Variants in COL4A6 observed in about 807,000 individuals in gnomAD.
COL4A6 encodes the protein collagen alpha-6(IV) chain.
Under a neutral mutation model 126.7 loss-of-function variants are expected in COL4A6, and 59 were observed. The observed-to-expected ratio is 0.47, with a 90% confidence interval of 0.38 to 0.58. The LOEUF (loss-of-function observed/expected upper bound fraction) is 0.58. COL4A6 is among the 20% of genes least tolerant of loss of function. COL4A6 has a pLI of 0.00. For synonymous variants in COL4A6, 547 were observed against 496.6 expected, an observed-to-expected ratio of 1.10 and a Z score of -1.35; for missense variants, 1,285 against 1,337.3, an observed-to-expected ratio of 0.96 and a Z score of 0.61.
chrX:108,277,021 C>T (rs769728204), intron 3 of COL4A6, among the ~76,000 whole-genome samples: 3 of 111,994 alleles, frequency 2.7e-5, no homozygotes, highest in Admixed American at 9.4e-5. Context: ...GGTATAGAGG[C>T]GAAGATGGCC....
chrX:108,390,643 A>G (rs1240513170), intron 2 of COL4A6, among the ~76,000 whole-genome samples: 3 of 109,587 alleles, frequency 2.7e-5, no homozygotes, highest in Non-Finnish European at 5.7e-5. Context: ...CCTTTTTTCA[A>G]GGTTCTTAGC....
rs376621155 is a variant in COL4A6 at position 108,280,537 on chromosome X, A to G, written c.144+30211T>C. 6.3e-5 allele frequency among the ~76,000 whole-genome samples: 7 copies of G among 111,887 alleles called. No individual in the cohort carries two copies. In the East Asian group the frequency reaches 1.1e-3, roughly 18 times the overall value. On this transcript the variant is annotated intron_variant, in intron 3 of 44. Transcript: ENST00000334504. Reference sequence around the variant, plus strand: ...GACCAAAAAGAGTCCAGGACCAGATAGATTCACAGCCGAATTCTACCAGAG... The same window carrying G: ...GACCAAAAAGAGTCCAGGACCAGATGGATTCACAGCCGAATTCTACCAGAG...
chrX:108,303,333 A>C (rs1442298987), intron 3 of COL4A6, among the ~76,000 whole-genome samples: 1 of 110,844 alleles, frequency 9.0e-6, no homozygotes, highest in Non-Finnish European at 1.9e-5. Flanking sequence ...CTAGGGAGGA[A>C]AGGAAGAACA....
chrX:108,341,813 G>A (rs984041493), intron 2 of COL4A6, among the ~76,000 whole-genome samples: 6 of 111,619 alleles, frequency 5.4e-5, no homozygotes, highest in African/African-American at 1.9e-4. Context: ...AAGATTCCCA[G>A]AGGACCGATA....
intron 2 of COL4A6, among the ~76,000 whole-genome samples, chrX:108,407,839 T>A (rs1458077711): frequency 8.9e-6 from 1 of 112,610 alleles, no homozygotes; most frequent in African/African-American, 3.2e-5. Flanking sequence ...CTGCTGATGG[T>A]GGTGGTGATC....
Position 108,340,128 on chromosome X carries a change from T to C in COL4A6, c.64-29300A>G, listed in dbSNP as rs781142654. ...TTTAGTGCTTTTTATGTTCATAGTG[T>C]ACTGGGAAAATACAAATAAAATTAT... On this transcript the variant is annotated intron_variant, in intron 2 of 44. Transcript: ENST00000334504. Among the ~76,000 whole-genome samples the C allele has an allele frequency of 2.7e-5, 3 of 111,192 alleles. No individual in the cohort carries two copies. The East Asian group carries it at 8.5e-4, about 32-fold the overall frequency.
intron 2 of COL4A6, among the ~76,000 whole-genome samples, chrX:108,428,328 T>C (rs997061447): frequency 3.6e-5 from 4 of 112,340 alleles, no homozygotes; most frequent in Non-Finnish European, 7.5e-5. Flanking sequence ...GAGCCTTCTC[T>C]GATATCTCCC....
intron 2 of COL4A6, among the ~76,000 whole-genome samples, chrX:108,369,879 T>C (rs1162967054): frequency 8.9e-6 from 1 of 112,489 alleles, no homozygotes; most frequent in Non-Finnish European, 1.9e-5. Flanking sequence ...AGATATTAGT[T>C]AAATGAATAG....
chrX:108,415,638 T>C (rs1346861329), intron 2 of COL4A6, among the ~76,000 whole-genome samples: 1 of 112,290 alleles, frequency 8.9e-6, no homozygotes, highest in Non-Finnish European at 1.9e-5. Flanking sequence ...AATATCCTTA[T>C]CATTCATCAT....
At position 108,187,909 on chromosome X, in the gene COL4A6, C is replaced by T. The variant is rs2034920605; in HGVS notation, c.1706G>A (p.Gly569Asp). 1 of 1,209,841 alleles carries T rather than the reference C, an allele frequency of 8.3e-7. No individual in the cohort carries two copies. Among genetic ancestry groups the T allele is most frequent in the East Asian group, 3.0e-5 (1 of 33,793 alleles). ...GTCCTTGCCTGGTTCTCCTATTACACCACGGAAGCCCTGGGAGCCAGAATC... is the reference window on the plus strand; with the variant it reads ...GTCCTTGCCTGGTTCTCCTATTACATCACGGAAGCCCTGGGAGCCAGAATC... ...RGDSGSQGFR[G>D]VIGEPGKDGV... The change falls in exon 22 of 45, where the codon GGT becomes GAT. Residue 569 changes from glycine (G) to aspartate (D), a missense_variant. Coordinates refer to ENST00000334504, the MANE Select transcript of COL4A6 (RefSeq NM_033641.4).
chrX:108,410,588 G>A (rs767284565), intron 2 of COL4A6, among the ~76,000 whole-genome samples: 71 of 111,398 alleles, frequency 6.4e-4, no homozygotes, highest in Non-Finnish European at 1.2e-3. Flanking sequence ...CTTTAAGCCT[G>A]TCTCTAGTCA....
intron 3 of COL4A6, among the ~76,000 whole-genome samples, chrX:108,285,451 C>CG (rs1471858915): frequency 8.9e-6 from 1 of 111,783 alleles, no homozygotes; most frequent in Non-Finnish European, 1.9e-5. Flanking sequence ...AAGCTTTTAT[C>CG]GGGGTAAAGT....
In COL4A6 at chrX:108,169,429, G is replaced by A. The variant is rs150586591; in HGVS notation, c.3691+66C>T. ...ACCCTGTGAGCCACATGGCCCTGCT[G>A]TACCCTAAACCTGACTCTCCCAGCA... On this transcript the variant is annotated intron_variant, in intron 37 of 44. Transcript: ENST00000334504. The A allele has an allele frequency of 1.4e-3, 1,703 of 1,185,762 alleles. 12 individuals carry two copies. In the African/African-American group the frequency reaches 0.026, roughly 18 times the overall value.
chrX:108,388,775 T>C (rs1005706979), intron 2 of COL4A6, among the ~76,000 whole-genome samples: 3 of 111,861 alleles, frequency 2.7e-5, no homozygotes, highest in Admixed American at 9.5e-5. Context: ...ATTTGTTTGC[T>C]TTTGCTTCTC....
intron 2 of COL4A6, among the ~76,000 whole-genome samples, chrX:108,425,131 A>G (rs1014218014): frequency 1.1e-4 from 12 of 110,481 alleles, no homozygotes; most frequent in African/African-American, 3.6e-4. Flanking sequence ...GGAAACCAAC[A>G]CTGATTGTAT....
intron 2 of COL4A6, among the ~76,000 whole-genome samples, chrX:108,336,899 C>T (rs1330878791): frequency 9.0e-6 from 1 of 110,813 alleles, no homozygotes; most frequent in Admixed American, 9.6e-5. Flanking sequence ...TTTACCCTAA[C>T]TCCTACTTTT....
At chrX:108,405,910 C>A (rs1454818244) in intron 2 of COL4A6, among the ~76,000 whole-genome samples, 2 of 111,255 alleles carry the variant, frequency 1.8e-5, no homozygotes, top group Non-Finnish European at 3.8e-5. Context: ...CTTAATAATT[C>A]TTCTTTCCCT....
intron 25 of COL4A6, among the ~76,000 whole-genome samples, chrX:108,179,929 C>G (rs1023859897): frequency 9.2e-6 from 1 of 108,865 alleles, no homozygotes; most frequent in African/African-American, 3.4e-5. Context: ...CCGGGCCCAT[C>G]CCCAGAGGTT....
At chrX:108,273,956 G>C (rs771532137) in intron 3 of COL4A6, among the ~76,000 whole-genome samples, 5 of 112,073 alleles carry the variant, frequency 4.5e-5, no homozygotes, top group African/African-American at 6.5e-5. Context: ...ATGTGTACTA[G>C]TTTTCTATGG....
Sources: allele counts gnomAD v4.1 joint callset (sites outside exome capture counted in the v4.1 genomes callset), GRCh38; gene constraint gnomAD v4.1.1; transcripts MANE v1.5; gene names NCBI Gene and HGNC (gene_info 2026-07-23, HGNC 2026-07-21).